Variants in EPM2A observed in about 807,000 individuals in gnomAD.
The protein encoded by EPM2A is laforin.
EPM2A carries 21 observed loss-of-function variants against 26.5 expected under a neutral mutation model. The observed-to-expected ratio is 0.79, with a 90% CI of 0.56 to 1.14. EPM2A has a LOEUF of 1.14. Ranked by LOEUF, EPM2A falls within the 50% of genes most tolerant of loss-of-function variation. The pLI is 0.00. For synonymous variants in EPM2A, 217 were observed against 177.6 expected, an observed-to-expected ratio of 1.22 and a Z score of -1.76; for missense variants, 458 against 440.8, an observed-to-expected ratio of 1.04 and a Z score of -0.35.
At position 145,548,004 on chromosome 6, in the gene EPM2A, T is replaced by C. The variant is rs566027144; in HGVS notation, c.341-45429A>G. Among the ~76,000 whole-genome samples the C allele has an allele frequency of 2.0e-5, 3 of 152,218 alleles. No individual in the cohort carries two copies. The East Asian group carries it at 5.8e-4, about 29-fold the overall frequency. ...CTATGACTTTCCTTTTTCTAATAAATGAGACCCAAATACTCAATTGTGTCC... is the reference window on the plus strand; with the variant it reads ...CTATGACTTTCCTTTTTCTAATAAACGAGACCCAAATACTCAATTGTGTCC... On this transcript the variant is annotated intron_variant, in intron 2 of 3. Transcript: ENST00000450221.
chr6:145,410,856 C>T (rs957796182), intron 4 of EPM2A, among the ~76,000 whole-genome samples: 1 of 152,142 alleles, frequency 6.6e-6, no homozygotes, highest in African/African-American at 2.4e-5. Context: ...AGGACTCTCC[C>T]CAGCCACATT....
chr6:145,643,405 G>A (rs1777228780), intron 2 of EPM2A, among the ~76,000 whole-genome samples: 1 of 152,092 alleles, frequency 6.6e-6, no homozygotes, highest in Admixed American at 6.5e-5. Context: ...TTATGGAAAT[G>A]TTAATAAAGT....
chr6:145,429,140 GA>G (rs201530875), intron 4 of EPM2A, among the ~76,000 whole-genome samples: 1,964 of 151,740 alleles, frequency 0.013, 43 homozygotes, highest in African/African-American at 0.046. Context: ...AATTTACAAA[GA>G]AAAAAAATAC....
intron 2 of EPM2A, among the ~76,000 whole-genome samples, chr6:145,519,280 C>T (rs1047836291): frequency 6.6e-6 from 1 of 152,130 alleles, no homozygotes; most frequent in East Asian, 1.9e-4. Flanking sequence ...GAGAAACCTT[C>T]TCTATTTGAT....
chr6:145,628,717 C>T (rs1359547310), intron 3 of EPM2A: 1 of 152,234 alleles, frequency 6.6e-6, no homozygotes, highest in African/African-American at 2.4e-5. Flanking sequence ...TTCTTTGTGG[C>T]TTTCACGTTG....
intron 2 of EPM2A, among the ~76,000 whole-genome samples, chr6:145,527,172 A>T (rs940875780): frequency 1.2e-4 from 18 of 151,614 alleles, no homozygotes; most frequent in African/African-American, 3.1e-4. Context: ...TTTGATTTTT[A>T]AAAAAAAATT....
chr6:145,491,228 G>A (rs1779750328), intron 4 of EPM2A: 3 of 396,128 alleles, frequency 7.6e-6, no homozygotes, highest in Non-Finnish European at 9.6e-6. Context: ...AGGAACTGGT[G>A]TGCAGGGGCT....
intron 4 of EPM2A, among the ~76,000 whole-genome samples, chr6:145,428,055 C>T (rs1480760663): frequency 2.1e-5 from 3 of 144,120 alleles, no homozygotes; most frequent in Admixed American, 2.1e-4. Flanking sequence ...TTTCTTTTTT[C>T]CTATCTTTTT....
In EPM2A at chr6:145,397,898, C is replaced by T. The variant is rs539995618; in HGVS notation, c.556-13801G>A. 8.5e-5 allele frequency among the ~76,000 whole-genome samples: 13 copies of T among 152,220 alleles called. No individual in the cohort carries two copies. In the South Asian group the frequency reaches 2.5e-3, roughly 29 times the overall value. On this transcript the variant is annotated intron_variant, in intron 4 of 4. Coordinates refer to the EPM2A transcript ENST00000638717. The stretch of plus-strand genomic sequence containing the variant: ...GTACTTAGGCCCAAGGAAAGACAAC[C>T]ACAGTGAACTTCATAACACTCTGAA...
chr6:145,416,605 A>T (rs1778711304), intron 4 of EPM2A, among the ~76,000 whole-genome samples: 1 of 152,174 alleles, frequency 6.6e-6, no homozygotes, highest in Non-Finnish European at 1.5e-5. Flanking sequence ...CAGAGAGTTG[A>T]GTGTTGCCTC....
chr6:145,446,670 T>C (rs1369032024), intron 4 of EPM2A, among the ~76,000 whole-genome samples: 1 of 152,064 alleles, frequency 6.6e-6, no homozygotes, highest in Non-Finnish European at 1.5e-5. Flanking sequence ...TCTGGAAACC[T>C]TGATCCTGCC....
In EPM2A at chr6:145,626,081, GGATAT is replaced by G. The variant is rs1775791641; in HGVS notation, c.*1330_*1334del. 1 of 1,114,016 alleles carries G rather than the reference GGATAT, an allele frequency of 9.0e-7. No individual in the cohort carries two copies. The highest frequency in any genetic ancestry group is 3.0e-5 in the South Asian group (1 of 32,946). The allele number at this position is 1,114,016 out of a possible 1,614,324, so 69.0% of individuals were successfully genotyped here. On this transcript the variant is annotated 3_prime_UTR_variant, in exon 4 of 4. Coordinates refer to ENST00000367519, the MANE Select transcript of EPM2A (RefSeq NM_005670.4). ...CATTGGATATTGTGAAGATTAAACT[GGATAT>G]GATTATATATCACCTTGCACATAGA...
At chr6:145,450,395 G>T (rs187546034) in intron 4 of EPM2A, among the ~76,000 whole-genome samples, 2 of 151,314 alleles carry the variant, frequency 1.3e-5, no homozygotes, top group African/African-American at 4.9e-5. Flanking sequence ...ATTGGTGGGG[G>T]TATAAATTGG....
intron 2 of EPM2A, among the ~76,000 whole-genome samples, chr6:145,516,650 G>A (rs1780131261): frequency 6.6e-6 from 1 of 152,102 alleles, no homozygotes; most frequent in Non-Finnish European, 1.5e-5. Flanking sequence ...AGCTTCTGTG[G>A]GACTCGAATA....
chr6:145,493,957 A>G (rs992967220), intron 4 of EPM2A, among the ~76,000 whole-genome samples: 11 of 151,938 alleles, frequency 7.2e-5, no homozygotes, highest in African/African-American at 2.7e-4. Context: ...TTTTTGTTGT[A>G]TTTCTGCCAT....
intron 2 of EPM2A, among the ~76,000 whole-genome samples, chr6:145,586,673 T>A (rs1167722642): frequency 6.6e-6 from 1 of 152,204 alleles, no homozygotes; most frequent in Non-Finnish European, 1.5e-5. Context: ...TTCATTTAGA[T>A]CTTTATGGTG....
intron 2 of EPM2A, among the ~76,000 whole-genome samples, chr6:145,604,569 A>C (rs1781458259): frequency 1.3e-5 from 2 of 152,154 alleles, no homozygotes; most frequent in Admixed American, 1.3e-4. Context: ...AACATGAAAT[A>C]ATGTTTTCCC....
intron 4 of EPM2A, among the ~76,000 whole-genome samples, chr6:145,397,717 C>T (rs1405957719): frequency 6.6e-6 from 1 of 152,178 alleles, no homozygotes; most frequent in Non-Finnish European, 1.5e-5. Context: ...ATTGAAAAGG[C>T]TCTTATCAAG....
chr6:145,539,209 G>C (rs554675971), intron 2 of EPM2A, among the ~76,000 whole-genome samples: 1 of 152,280 alleles, frequency 6.6e-6, no homozygotes, highest in South Asian at 2.1e-4. Context: ...TGTCACTAAG[G>C]ATACAACAGT....
Sources: gnomAD v4.1 joint callset for allele counts (sites outside exome capture counted in the v4.1 genomes callset) on GRCh38, gnomAD v4.1.1 for gene constraint, MANE v1.5 for transcripts, NCBI Gene and HGNC (gene_info 2026-07-23, HGNC 2026-07-21) for gene names.